The following DNAH7 variants were observed in gnomAD, a reference collection of about 807,000 sequenced individuals.
DNAH7 encodes axonemal beta dynein heavy chain 7.
Under a neutral mutation model 444.6 loss-of-function variants are expected in DNAH7, and 397 were observed. That is an observed-to-expected ratio of 0.89 (90% CI 0.82 to 0.97). The LOEUF (loss-of-function observed/expected upper bound fraction) is 0.97. DNAH7 is among the 50% of genes least tolerant of loss of function. DNAH7 has a pLI of 0.00. For synonymous variants in DNAH7, 1,636 were observed against 1,624.4 expected (o/e 1.01, Z -0.17); for missense variants, 4,902 against 4,800.8 (o/e 1.02, Z -0.62).
chr2:196,024,794 T>TA (rs567424599), intron 7 of DNAH7, among the ~76,000 whole-genome samples: 317 of 152,226 alleles, frequency 2.1e-3, no homozygotes, highest in African/African-American at 7.0e-3. Context: ...CCTTTATAGC[T>TA]ATTCCATCAA....
chr2:195,754,575 T>C, intron 62 of DNAH7, 61 bp from the exon 63 acceptor site: 2 of 1,516,400 alleles, frequency 1.3e-6, no homozygotes, highest in Non-Finnish European at 8.9e-7. Flanking sequence ...TTCTTTTTTT[T>C]TGAGACAGGA....
chr2:195,748,140 C>T (rs1474894338), intron 63 of DNAH7, among the ~76,000 whole-genome samples: 1 of 152,208 alleles, frequency 6.6e-6, no homozygotes, highest in Non-Finnish European at 1.5e-5. Flanking sequence ...AGCAATGTCT[C>T]AGGATACAAA....
chr2:195,945,000 A>G (rs1230458850), intron 19 of DNAH7, among the ~76,000 whole-genome samples: 1 of 151,736 alleles, frequency 6.6e-6, no homozygotes, highest in Non-Finnish European at 1.5e-5. Flanking sequence ...TAATTGATTG[A>G]GTGATTTTTA....
At chr2:196,032,559 A>T (rs1696124534) in intron 5 of DNAH7, among the ~76,000 whole-genome samples, 1 of 152,346 alleles carries the variant, frequency 6.6e-6, no homozygotes, top group East Asian at 1.9e-4. Context: ...GCAAAAAAGG[A>T]TCAAATATGA....
At chr2:195,859,583 C>G (rs1374901165) in intron 42 of DNAH7, among the ~76,000 whole-genome samples, 2 of 151,952 alleles carry the variant, frequency 1.3e-5, no homozygotes, top group Admixed American at 6.6e-5. Context: ...CTTCAAAAAA[C>G]AGACTGGAGT....
At chr2:195,925,332 G>T (rs1419776143) in intron 22 of DNAH7, among the ~76,000 whole-genome samples, 4 of 152,186 alleles carry the variant, frequency 2.6e-5, no homozygotes, top group Admixed American at 2.6e-4. Flanking sequence ...CCACCTTGGA[G>T]AAATCCCTCT....
Position 195,858,759 on chromosome 2 carries a change from T to C in DNAH7, c.7782A>G (p.Lys2594=), listed in dbSNP as rs748735249. 1.2e-6 allele frequency: 2 copies of C among 1,613,556 alleles called. No homozygotes were observed. Among genetic ancestry groups the C allele is most frequent in the East Asian group, 2.2e-5 (1 of 44,894 alleles). ...CTACTTGAGATGAAGCAGAATCCAG[T>C]TTCTCCAAACCCACTTCATATCTCT... ...MKKRYEVGLE[K]LDSASSQVAT... The change falls in exon 43 of 65, where the codon AAA becomes AAG. Residue 2594 remains lysine (K), a synonymous_variant. Transcript: ENST00000312428.
At chr2:195,841,470 T>A (rs1175210058) in intron 47 of DNAH7, among the ~76,000 whole-genome samples, 1 of 151,874 alleles carries the variant, frequency 6.6e-6, no homozygotes, top group African/African-American at 2.4e-5. Flanking sequence ...TAGAATAACA[T>A]ATTAGATGAA....
At chr2:195,869,836 C>G (rs938553178) in intron 40 of DNAH7, among the ~76,000 whole-genome samples, 1 of 152,248 alleles carries the variant, frequency 6.6e-6, no homozygotes, top group East Asian at 1.9e-4. Flanking sequence ...GGTGCTAATA[C>G]AAGGTTTTGA....
intron 59 of DNAH7, among the ~76,000 whole-genome samples, chr2:195,776,797 A>G (rs890157092): frequency 6.6e-6 from 1 of 152,208 alleles, no homozygotes; most frequent in African/African-American, 2.4e-5. Context: ...ATGGACGTCT[A>G]TTAAAATTTC....
chr2:196,059,990 C>T (rs1040793156), intron 1 of DNAH7, among the ~76,000 whole-genome samples: 2 of 151,990 alleles, frequency 1.3e-5, no homozygotes, highest in African/African-American at 2.4e-5. Flanking sequence ...CCGAGGTGGG[C>T]GGATCACGAG....
At chr2:195,861,505 C>G (rs1193755926) in intron 42 of DNAH7, among the ~76,000 whole-genome samples, 1 of 152,140 alleles carries the variant, frequency 6.6e-6, no homozygotes, top group Non-Finnish European at 1.5e-5. Flanking sequence ...AGTTATTATG[C>G]ATCTATGATG....
intron 21 of DNAH7, among the ~76,000 whole-genome samples, chr2:195,930,402 A>T (rs1688612680): frequency 6.6e-6 from 1 of 152,166 alleles, no homozygotes; most frequent in African/African-American, 2.4e-5. Flanking sequence ...AAGACATACT[A>T]GTGACCAAAA....
Position 195,858,781 on chromosome 2 carries a change from C to T in DNAH7, c.7760G>A (p.Arg2587Lys), listed in dbSNP as rs1330682179. Residue 2587 changes from arginine (R) to lysine (K), a missense_variant, in exon 43 of 65, where the codon AGA becomes AAA. Transcript: ENST00000312428. ...CAGTTTCTCCAAACCCACTTCATATCTCTTTTTCATTTTCATTACTTCACT... is the reference window on the plus strand; with the variant it reads ...CAGTTTCTCCAAACCCACTTCATATTTCTTTTTCATTTTCATTACTTCACT... ...KRSEVMKMKK[R>K]YEVGLEKLDS... 7 of 1,608,120 alleles carry T rather than the reference C, an allele frequency of 4.4e-6. No individual in the cohort carries two copies. The highest frequency in any genetic ancestry group is 5.9e-6 in the Non-Finnish European group (7 of 1,177,322).
intron 12 of DNAH7, chr2:195,999,331 ACCAGT>A: frequency 1.5e-6 from 1 of 656,954 alleles, no homozygotes; most frequent in Non-Finnish European, 2.8e-6. Flanking sequence ...TATTCGCACA[ACCAGT>A]ATTGTCTTTG....
chr2:195,974,923 A>T (rs1032331540), intron 15 of DNAH7, among the ~76,000 whole-genome samples: 1 of 152,186 alleles, frequency 6.6e-6, no homozygotes, highest in Admixed American at 6.6e-5. Flanking sequence ...AATGATTTTT[A>T]AAAATACATA....
At chr2:195,766,148 G>A (rs375436482) in intron 61 of DNAH7, among the ~76,000 whole-genome samples, 18 of 107,988 alleles carry the variant, frequency 1.7e-4, no homozygotes, top group African/African-American at 3.6e-4. Context: ...GCATGTTCTC[G>A]TTTAATTTGT....
chr2:195,791,203 C>T (rs1161823129), intron 57 of DNAH7, among the ~76,000 whole-genome samples: 2 of 151,928 alleles, frequency 1.3e-5, no homozygotes, highest in Non-Finnish European at 2.9e-5. Flanking sequence ...CTCGGTGGCT[C>T]ACTCCTGTAA....
chr2:195,950,668 G>A (rs2125477890), intron 19 of DNAH7, among the ~76,000 whole-genome samples: 1 of 151,874 alleles, frequency 6.6e-6, no homozygotes, highest in Admixed American at 6.6e-5. Flanking sequence ...CTAACATGGT[G>A]AAACCCCATC....
Sources: gnomAD v4.1 joint callset for allele counts (sites outside exome capture counted in the v4.1 genomes callset) on GRCh38, gnomAD v4.1.1 for gene constraint, MANE v1.5 for transcripts, NCBI Gene and HGNC (gene_info 2026-07-23, HGNC 2026-07-21) for gene names.